The following EP400 variants were observed in gnomAD, a reference collection of about 807,000 sequenced individuals.
EP400 encodes E1A binding protein p400, also known as E1A-binding protein p400.
EP400 carries 105 observed loss-of-function variants against 354.1 expected under a neutral mutation model. That is an observed-to-expected ratio of 0.30 (90% CI 0.25 to 0.35). EP400 has a LOEUF of 0.35. EP400 is among the 10% of genes least tolerant of loss of function. The pLI is 1.00. For missense variants in EP400, 3,280 were observed against 4,121.0 expected (o/e 0.80, Z 5.59); for synonymous variants, 1,646 against 1,716.9 (o/e 0.96, Z 1.02).
intron 2 of EP400, among the ~76,000 whole-genome samples, chr12:131,973,616 C>T (rs1892371937): frequency 6.6e-6 from 1 of 152,200 alleles, no homozygotes; most frequent in African/African-American, 2.4e-5. Context: ...GCACTCCAGC[C>T]TGGGCAGCGG....
At position 132,050,250 on chromosome 12, in the gene EP400, T is replaced by G; in HGVS notation, c.7201-73T>G. 1.3e-6 allele frequency: 2 copies of G among 1,564,168 alleles called. No homozygotes were observed. Among genetic ancestry groups the G allele is most frequent in the Non-Finnish European group, 1.7e-6 (2 of 1,148,868 alleles). On this transcript the variant is annotated intron_variant, in intron 39 of 52. Coordinates refer to ENST00000389561, the MANE Select transcript of EP400 (RefSeq NM_015409.5). This position sits in a 1 kb window ranked among gnomAD's most constrained non-coding sequence, Gnocchi z 4.8. ...AGTTTAGCCTCAGATTCCCACCCAG[T>G]GAGCCCTGTGTCCCACGCAGCCGTC...
At chr12:132,024,807 AC>A (rs909641222) in intron 24 of EP400, among the ~76,000 whole-genome samples, 2 of 57,936 alleles carry the variant, frequency 3.5e-5, no homozygotes, top group East Asian at 4.6e-4. Flanking sequence ...CCTCCCCGCC[AC>A]CCCCCCACAG....
chr12:132,015,223 G>A (rs1032715087), intron 19 of EP400, among the ~76,000 whole-genome samples: 1 of 152,216 alleles, frequency 6.6e-6, no homozygotes, highest in Non-Finnish European at 1.5e-5. Context: ...CAGTACAACC[G>A]TCCTTTCTCC....
rs532383671 is a variant in EP400 at position 132,062,757 on chromosome 12, C to T, written c.8334+56C>T. 7 of 1,598,674 alleles carry T rather than the reference C, an allele frequency of 4.4e-6. No homozygotes were observed. In the South Asian group the frequency reaches 4.5e-5, roughly 10 times the overall value. On this transcript the variant is annotated intron_variant, in intron 47 of 52. Coordinates refer to ENST00000389561, the MANE Select transcript of EP400 (RefSeq NM_015409.5). ...TGCGTCTTGCGGTCAGTCAGCCCAG[C>T]GTCTGTGAGACGGTGCCTGCTTGCA...
At chr12:132,015,375 A>C (rs192184033) in intron 19 of EP400, among the ~76,000 whole-genome samples, 1 of 152,356 alleles carries the variant, frequency 6.6e-6, no homozygotes, top group East Asian at 1.9e-4. Flanking sequence ...TCAGTAGAAT[A>C]CTGAAATCAG....
chr12:132,006,038 C>G (rs1020959483), intron 13 of EP400, 74 bp from the exon 14 acceptor site: 1 of 1,432,206 alleles, frequency 7.0e-7, no homozygotes, highest in Non-Finnish European at 9.4e-7. Context: ...AAACTTTTTC[C>G]TGTTTTAAAA....
chr12:132,060,642 G>A (rs1224385692), intron 45 of EP400, among the ~76,000 whole-genome samples: 1 of 152,178 alleles, frequency 6.6e-6, no homozygotes, highest in Non-Finnish European at 1.5e-5. Context: ...GGGAGGCCGG[G>A]TGTGGTGGCC....
chr12:131,976,255 T>C (rs941662706), intron 2 of EP400, among the ~76,000 whole-genome samples: 1 of 152,238 alleles, frequency 6.6e-6, no homozygotes, highest in Non-Finnish European at 1.5e-5. Flanking sequence ...TGTCTGAGTA[T>C]GGCTCGTGTT....
chr12:132,026,418 A>G (rs1379868435), intron 25 of EP400, among the ~76,000 whole-genome samples: 1 of 152,122 alleles, frequency 6.6e-6, no homozygotes, highest in East Asian at 1.9e-4. Flanking sequence ...CATAGTGGGC[A>G]GTGATGTTGG....
At chr12:132,044,102 A>G in intron 34 of EP400, 75 bp from the exon 35 acceptor site, 2 of 1,575,996 alleles carry the variant, frequency 1.3e-6, no homozygotes, top group Non-Finnish European at 1.7e-6. Flanking sequence ...CAACAGGGAA[A>G]CCTGGAGCAG....
chr12:132,049,523 A>G (rs572037576), intron 39 of EP400, among the ~76,000 whole-genome samples: 195 of 152,288 alleles, frequency 1.3e-3, no homozygotes, highest in Non-Finnish European at 2.2e-3. Context: ...ATGTACCTGC[A>G]CAGACACACC....
Position 132,006,986 on chromosome 12 carries a change from T to A in EP400, c.3304+109T>A, listed in dbSNP as rs1593341845. On this transcript the variant is annotated intron_variant, in intron 15 of 52. Transcript: ENST00000389561. ...TTGGCTATCTTATCTACTTCTTTGC[T>A]CCTATCTGTTGACCTGAGCAAATTG... is the stretch of plus-strand genomic sequence containing the variant. The A allele has an allele frequency of 4.0e-6, 5 of 1,251,264 alleles. 1 individual carries two copies. In the East Asian group the frequency reaches 1.2e-4, roughly 30 times the overall value. 77.5% of individuals were successfully genotyped at this position (1,251,264 alleles called of 1,614,324 possible).
Position 131,986,767 on chromosome 12 carries a change from A to G in EP400, c.2183A>G (p.Gln728Arg). ...CCTGCTCAGAATGCCACCTCGTCCC[A>G]AGACAGTTCTCAGGATACGCTGACA... is the stretch of plus-strand genomic sequence containing the variant. ...QSPAQNATSS[Q>R]DSSQDTLTEQ... is the part of the protein sequence containing the mutation. The change falls in exon 6 of 53, where the codon CAA becomes CGA. Residue 728 changes from glutamine to arginine, a missense_variant. Physicochemically the swap from Gln to Arg is conservative, Grantham distance 43 (BLOSUM62 1). Coordinates refer to ENST00000389561, the MANE Select transcript of EP400 (RefSeq NM_015409.5). The G allele has an allele frequency of 6.2e-7, 1 of 1,614,048 alleles. No individual in the cohort carries two copies. The highest frequency in any genetic ancestry group is 8.5e-7 in the Non-Finnish European group (1 of 1,179,970).
intron 2 of EP400, among the ~76,000 whole-genome samples, chr12:131,970,879 T>C (rs1296240306): frequency 6.6e-6 from 1 of 152,194 alleles, no homozygotes; most frequent in South Asian, 2.1e-4. Flanking sequence ...AGATCTACTC[T>C]TTCAGCAAGT....
chr12:132,053,536 CTG>C lies in EP400; in HGVS notation c.7670_7671del (p.Val2557AlafsTer24). ...CCACAGCCCCAGACCCAGCCACAGC[CTG>C]TGCAGGCCCCAGCGAAGGCGCAGCC... is the stretch of plus-strand genomic sequence containing the variant. On this transcript the variant is annotated frameshift_variant, in exon 43 of 53. Transcript: ENST00000389561. LOFTEE classifies it high-confidence loss of function. 6.4e-7 allele frequency: 1 copy of C among 1,553,492 alleles called. No individual in the cohort carries two copies. The highest frequency in any genetic ancestry group is 8.6e-7 in the Non-Finnish European group (1 of 1,156,082).
Position 132,077,730 on chromosome 12 carries a change from G to A in EP400, c.*57G>A, listed in dbSNP as rs11246914. The A allele has an allele frequency of 0.075, 111,903 of 1,502,050 alleles. 6,185 individuals carry two copies. Among genetic ancestry groups the A allele is most frequent in the African/African-American group, 0.27 (19,513 of 71,470 alleles). The allele number at this position is 1,502,050 out of a possible 1,614,324, so 93.0% of individuals were successfully genotyped here. On this transcript the variant is annotated 3_prime_UTR_variant, in exon 53 of 53. Transcript: ENST00000389561. ...CAAAACTACCTTCCTCACAGAAAAC[G>A]CTTTATTAGTGAACCTTGGGACCAT...
At chr12:132,049,068 C>T (rs1565928602) in intron 39 of EP400, among the ~76,000 whole-genome samples, 1 of 152,254 alleles carries the variant, frequency 6.6e-6, no homozygotes. Context: ...TCCTGAGCCT[C>T]CATGACCCTC....
At position 132,021,832 on chromosome 12, in the gene EP400, A is replaced by T. The variant is rs532546881; in HGVS notation, c.4690+511A>T. On this transcript the variant is annotated intron_variant, in intron 23 of 52. Coordinates refer to ENST00000389561, the MANE Select transcript of EP400 (RefSeq NM_015409.5). ...CAACCAAGATAACTTGTAATAATTT[A>T]TGACTTAAAAAACACAGTTATTAAT... 2.6e-5 allele frequency among the ~76,000 whole-genome samples: 4 copies of T among 152,364 alleles called. No homozygotes were observed. In the South Asian group the frequency reaches 8.3e-4, roughly 32 times the overall value.
rs1430929635 is a variant in EP400 at position 132,018,288 on chromosome 12, A to G, written c.4189A>G (p.Lys1397Glu). The G allele has an allele frequency of 1.2e-6, 2 of 1,613,720 alleles. No homozygotes were observed. Among genetic ancestry groups the G allele is most frequent in the Admixed American group, 3.3e-5 (2 of 59,862 alleles). ...TCACGAGGCAGAGTTGCTGTCTAAG[A>G]AAAAGATACCGCGGAAACTCATGGA... Reference protein sequence around the residue: ...TRHEAELLSKKKIPRKLMEEI... With the variant: ...TRHEAELLSKEKIPRKLMEEI... Residue 1397 changes from lysine (K) to glutamate (E), a missense_variant, in exon 21 of 53, where the codon AAA becomes GAA. Transcript: ENST00000389561. The surrounding 1 kb of genome is among the most constrained non-coding windows in gnomAD (Gnocchi z 4.0).
Sources: allele counts gnomAD v4.1 joint callset (sites outside exome capture counted in the v4.1 genomes callset), GRCh38; gene constraint gnomAD v4.1.1; non-coding constraint Gnocchi (gnomAD v3.1); transcripts MANE v1.5; gene names NCBI Gene and HGNC (gene_info 2026-07-23, HGNC 2026-07-21).